Variants in NCOR2 observed in about 807,000 individuals in gnomAD.
NCOR2 encodes nuclear receptor corepressor 2.
In NCOR2, 81 loss-of-function variants were observed where a neutral mutation model predicts 262.9. The observed-to-expected ratio is 0.31, with a 90% CI of 0.26 to 0.37. NCOR2 has a LOEUF of 0.37. NCOR2 is among the 10% of genes least tolerant of loss of function. NCOR2 has a pLI of 1.00. For missense variants in NCOR2, 3,385 were observed against 3,621.4 expected, an observed-to-expected ratio of 0.93 and a Z score of 1.68; for synonymous variants, 1,659 against 1,559.3, an observed-to-expected ratio of 1.06 and a Z score of -1.51.
At chr12:124,331,052 C>T (rs1185052849) in intron 43 of NCOR2, among the ~76,000 whole-genome samples, 154 bp from the exon 46 acceptor site, 1 of 150,080 alleles carries the variant, frequency 6.7e-6, no homozygotes, top group South Asian at 2.1e-4. Flanking sequence ...CAGGGCCAAG[C>T]GTCTGCATTT....
chr12:124,406,668 C>T (rs1278619907), intron 13 of NCOR2, among the ~76,000 whole-genome samples: 1 of 152,146 alleles, frequency 6.6e-6, no homozygotes, highest in Non-Finnish European at 1.5e-5. Flanking sequence ...GTGCCCTGTG[C>T]GTGGTCAGAA....
Position 124,503,477 on chromosome 12 carries a change from G to GGATGGAT in NCOR2, c.-117-8116_-117-8110dup, listed in dbSNP as rs1265977260. 1.4e-5 allele frequency among the ~76,000 whole-genome samples: 2 copies of GGATGGAT among 142,904 alleles called. No individual in the cohort carries two copies. Among genetic ancestry groups the GGATGGAT allele is most frequent in the Non-Finnish European group, 3.0e-5 (2 of 66,226 alleles). 93.8% of individuals were successfully genotyped at this position (142,904 alleles called of 152,430 possible). A position where few individuals can be genotyped will look rare whatever the true frequency, so the allele number is the denominator to read the frequency against. ...AGGATGCATGGACTGATGGATGGAT[G>GGATGGAT]GATGGATGATGGATTGATGGATGGA... On this transcript the variant is annotated intron_variant, in intron 1 of 46. Transcript: ENST00000404621. This position sits in a 1 kb window ranked among gnomAD's most constrained non-coding sequence, Gnocchi z 4.3.
intron 7 of NCOR2, among the ~76,000 whole-genome samples, chr12:124,448,012 T>G (rs1256860985): frequency 6.6e-6 from 1 of 152,244 alleles, no homozygotes; most frequent in Non-Finnish European, 1.5e-5. Flanking sequence ...TTGTTTTGTT[T>G]ACTTAACTCA....
At chr12:124,371,963 G>A (rs2039557379) in intron 20 of NCOR2, 59 bp downstream of exon 22, 1 of 1,486,002 alleles carries the variant, frequency 6.7e-7, no homozygotes, top group East Asian at 2.3e-5. Context: ...TAAGTAGGTA[G>A]TCGCTGCTCA....
intron 7 of NCOR2, 96 bp from the exon 10 acceptor site, chr12:124,438,092 C>T: frequency 8.1e-7 from 1 of 1,235,662 alleles, no homozygotes; most frequent in Non-Finnish European, 1.1e-6. Flanking sequence ...CCCAAATTTG[C>T]CCCGTTATTG....
Position 124,327,363 on chromosome 12 carries a change from CCGGGGGTGGGGACAGACGGGGGCGGGG to C in NCOR2, c.7183+19_7183+45del. 7.3e-7 allele frequency: 1 copy of C among 1,367,728 alleles called. No individual in the cohort carries two copies. The highest frequency in any genetic ancestry group is 9.7e-7 in the Non-Finnish European group (1 of 1,028,754). The allele number at this position is 1,367,728 out of a possible 1,614,324, so 84.7% of individuals were successfully genotyped here. ...CGCGGAGGAGCGAGGATTAATCACA[CCGGGGGTGGGGACAGACGGGGGCGGGG>C]CGGGGGTGGCCTGCAGACCTGGCGA... On this transcript the variant is annotated intron_variant, in intron 45 of 46. Coordinates refer to ENST00000405201, the Ensembl canonical transcript of NCOR2.
At chr12:124,448,063 G>A (rs2045292978) in intron 7 of NCOR2, among the ~76,000 whole-genome samples, 1 of 152,216 alleles carries the variant, frequency 6.6e-6, no homozygotes, top group African/African-American at 2.4e-5. Context: ...CTTGATGAGG[G>A]ATGAGGCCTT....
intron 11 of NCOR2, among the ~76,000 whole-genome samples, chr12:124,425,499 AG>A (rs2043481694): frequency 6.6e-6 from 1 of 151,804 alleles, no homozygotes; most frequent in African/African-American, 2.4e-5. Flanking sequence ...TTCTTTTTCC[AG>A]TGTGGCCTGG....
chr12:124,487,693 G>C (rs74835923), intron 1 of NCOR2, among the ~76,000 whole-genome samples: 1 of 152,206 alleles, frequency 6.6e-6, no homozygotes, highest in Non-Finnish European at 1.5e-5. Flanking sequence ...CTCCCTTATC[G>C]TGACAGTCTT....
intron 7 of NCOR2, among the ~76,000 whole-genome samples, chr12:124,444,139 A>T (rs1350874458): frequency 6.6e-6 from 1 of 152,030 alleles, no homozygotes; most frequent in Admixed American, 6.6e-5. Flanking sequence ...TTTTGTTCCA[A>T]GCAGTGTTTA....
At chr12:124,362,394 C>T in intron 21 of NCOR2, 97 bp from the exon 24 acceptor site, 1 of 1,143,102 alleles carries the variant, frequency 8.7e-7, no homozygotes, top group Non-Finnish European at 1.2e-6. Context: ...AAACCAAGGC[C>T]CGGGAAAGCC....
At chr12:124,354,761 C>T in intron 25 of NCOR2, 76 bp downstream of exon 27, 10 of 1,445,910 alleles carry the variant, frequency 6.9e-6, no homozygotes, top group Non-Finnish European at 9.5e-6. Flanking sequence ...CAAGATACCC[C>T]TTCCTCCCCC....
chr12:124,337,038 G>A (rs564480665), exon 38 of NCOR2: 12 of 1,497,744 alleles, frequency 8.0e-6, no homozygotes, highest in East Asian at 4.7e-5. Flanking sequence ...CGCTCTGGCC[G>A]GGCGACCCGG....
intron 1 of NCOR2, among the ~76,000 whole-genome samples, chr12:124,508,088 C>T (rs2049149160): frequency 6.6e-6 from 1 of 152,236 alleles, no homozygotes; most frequent in Non-Finnish European, 1.5e-5. Flanking sequence ...CGACAGAGCC[C>T]ACCCACTCAA....
chr12:124,466,861 ACTACT>A (rs2046441191), intron 4 of NCOR2, among the ~76,000 whole-genome samples: 1 of 152,008 alleles, frequency 6.6e-6, no homozygotes, highest in Non-Finnish European at 1.5e-5. Flanking sequence ...TAAAAGAGTT[ACTACT>A]CTAGAGAGCC....
chr12:124,438,013 C>T lies in NCOR2; in HGVS notation c.816-17G>A, dbSNP rs755792394. On this transcript the variant is annotated splice_polypyrimidine_tract_variant and intron_variant, in intron 7 of 46. Coordinates refer to ENST00000405201, the Ensembl canonical transcript of NCOR2. ...GCCTGGTTTCTGTGCAGGAGGGAAGCGGCAGACAGGTCAGCCCGGCCGGGC... is the reference window on the plus strand; with the variant it reads ...GCCTGGTTTCTGTGCAGGAGGGAAGTGGCAGACAGGTCAGCCCGGCCGGGC... 54 of 1,603,946 alleles carry T rather than the reference C, an allele frequency of 3.4e-5. 1 individual carries two copies. The South Asian group carries it at 3.7e-4, about 11-fold the overall frequency.
chr12:124,335,866 G>A (rs1593102734), intron 38 of NCOR2: 2 of 547,270 alleles, frequency 3.7e-6, no homozygotes, highest in Non-Finnish European at 6.5e-6. Context: ...CAGACAGAGA[G>A]GGAGACACAG....
chr12:124,565,359 A>G (rs1421846974), intron 1 of NCOR2, among the ~76,000 whole-genome samples: 3 of 152,132 alleles, frequency 2.0e-5, no homozygotes, highest in African/African-American at 7.2e-5. Flanking sequence ...AGCCAGACAG[A>G]GCCCGGGATG....
intron 46 of NCOR2, among the ~76,000 whole-genome samples, 165 bp from the exon 49 acceptor site, chr12:124,325,748 A>G (rs1340554045): frequency 1.3e-5 from 2 of 151,962 alleles, no homozygotes; most frequent in East Asian, 3.9e-4. Flanking sequence ...GCCTCTCTTC[A>G]CCTGTTCTAC....
Sources: allele counts gnomAD v4.1 joint callset (sites outside exome capture counted in the v4.1 genomes callset), GRCh38; gene constraint gnomAD v4.1.1; non-coding constraint Gnocchi (gnomAD v3.1); transcripts MANE v1.5; gene names NCBI Gene and HGNC (gene_info 2026-07-23, HGNC 2026-07-21).